HDAC7: variants seen among roughly 807,000 people sequenced by gnomAD.
HDAC7 encodes the protein histone deacetylase 7.
HDAC7 carries 26 observed loss-of-function variants against 115.5 expected under a neutral mutation model. That is an observed-to-expected ratio of 0.23 (90% CI 0.16 to 0.31). The LOEUF (loss-of-function observed/expected upper bound fraction) is 0.31, where lower values mean the gene tolerates loss of function less well. HDAC7 is among the 10% of genes least tolerant of loss of function. HDAC7 has a pLI of 1.00. For missense variants in HDAC7, 1,068 were observed against 1,329.0 expected (o/e 0.80, Z 3.05); for synonymous variants, 564 against 550.9 (o/e 1.02, Z -0.33).
Position 47,797,344 on chromosome 12 carries a change from C to A in HDAC7, c.577+40G>T, listed in dbSNP as rs201120443. ...TCCCCCATGTCCGAGGCCCTTCCCC[C>A]TTCCTTTGCCTGAAAGGTCCGCCTG... On this transcript the variant is annotated intron_variant, in intron 6 of 25. Transcript: ENST00000080059. The surrounding 1 kb of genome is among the most constrained non-coding windows in gnomAD (Gnocchi z 5.5). 2.5e-5 allele frequency: 40 copies of A among 1,585,904 alleles called. No individual in the cohort carries two copies. The South Asian group carries it at 4.2e-4, about 17-fold the overall frequency.
At chr12:47,789,954 A>G (rs1022455169) in intron 16 of HDAC7, 34 bp from the exon 17 acceptor site, 4 of 1,499,326 alleles carry the variant, frequency 2.7e-6, no homozygotes, top group Non-Finnish European at 3.7e-6. Flanking sequence ...CGCATCATCC[A>G]AGGCTTCACA....
intron 16 of HDAC7, 175 bp from the exon 17 acceptor site, chr12:47,790,095 C>G: frequency 1.7e-6 from 1 of 602,518 alleles, no homozygotes. Context: ...CCCCCAATCC[C>G]AGCATGACTT....
intron 24 of HDAC7, chr12:47,785,016 C>T: frequency 1.7e-6 from 1 of 578,718 alleles, no homozygotes; most frequent in Non-Finnish European, 3.1e-6. Flanking sequence ...CCCAAGCCAG[C>T]AGAGCTCCTG....
At chr12:47,821,018 G>A (rs1945005546), upstream of HDAC7, among the ~76,000 whole-genome samples, 2 of 152,206 alleles carry the variant, frequency 1.3e-5, no homozygotes, top group Admixed American at 1.3e-4. Context: ...CAGCAATCTG[G>A]AGCTGCTCCT....
chr12:47,786,957 G>T (rs1677201876), intron 21 of HDAC7, among the ~76,000 whole-genome samples: 1 of 152,234 alleles, frequency 6.6e-6, no homozygotes, highest in African/African-American at 2.4e-5. Flanking sequence ...AGCACCAGAG[G>T]GAATGAAAGA....
Position 47,797,895 on chromosome 12 carries a change from T to TGTGTGTGTGTGTGTGTGAGA in HDAC7, c.461+212_461+213insTCTCACACACACACACACAC, listed in dbSNP as rs35753431. On this transcript the variant is annotated intron_variant, in intron 5 of 25. Transcript: ENST00000080059. This position sits in a 1 kb window ranked among gnomAD's most constrained non-coding sequence, Gnocchi z 5.5. ...GTGTGTGTGTGTGTGTGTGTGTGTG[T>TGTGTGTGTGTGTGTGTGAGA]GAGAAGGGCTCAGGTGGGGTGGGGA... Among the ~76,000 whole-genome samples, 110 of 143,454 alleles carry TGTGTGTGTGTGTGTGTGAGA rather than the reference T, an allele frequency of 7.7e-4. No homozygotes were observed. Among genetic ancestry groups the TGTGTGTGTGTGTGTGTGAGA allele is most frequent in the African/African-American group, 2.7e-3 (100 of 36,502 alleles). The allele number at this position is 143,454 out of a possible 152,430, so 94.1% of individuals were successfully genotyped here. A position where few individuals can be genotyped will look rare whatever the true frequency, so the allele number is the denominator to read the frequency against.
At chr12:47,792,457 C>G (rs1406346536) in intron 13 of HDAC7, 2 of 338,582 alleles carry the variant, frequency 5.9e-6, no homozygotes, top group East Asian at 1.5e-4. Context: ...ACCCCCAAAC[C>G]GGGAGCTAAG....
At chr12:47,794,129 A>G (rs143871495) in intron 12 of HDAC7, among the ~76,000 whole-genome samples, 160 of 152,330 alleles carry the variant, frequency 1.1e-3, no homozygotes, top group Middle Eastern at 0.01. Flanking sequence ...GGAAATCTGA[A>G]CAGGCATTCA....
In HDAC7 at chr12:47,785,779, G is replaced by A. The variant is rs1283151329; in HGVS notation, c.2679C>T (p.Ala893=). 2 of 1,608,570 alleles carry A rather than the reference G, an allele frequency of 1.2e-6. No homozygotes were observed. The highest frequency in any genetic ancestry group is 1.7e-6 in the Non-Finnish European group (2 of 1,177,730). Residue 893 remains alanine, a synonymous_variant, in exon 23 of 26, where the codon GCC becomes GCT. Coordinates refer to ENST00000080059, the MANE Select transcript of HDAC7 (RefSeq NM_015401.5). ...TGTTACCCAGAAGAGCAGCCACACA[G>A]GCCTCAGAGGCGTCACAGATGGCTG... ...DLTAICDASE[A]CVAALLGNRV... is the part of the protein sequence containing the mutation.
intron 15 of HDAC7, 59 bp from the exon 16 acceptor site, chr12:47,791,367 G>A (rs1943491711): frequency 3.4e-6 from 5 of 1,489,834 alleles, no homozygotes; most frequent in Non-Finnish European, 4.5e-6. Flanking sequence ...GGCCCAACAG[G>A]GAGCAGGGAG....
chr12:47,798,479 A>ACCTCACC lies in HDAC7; in HGVS notation c.349+76_349+82dup, dbSNP rs1943991574. 7.7e-7 allele frequency: 1 copy of ACCTCACC among 1,290,454 alleles called. No individual in the cohort carries two copies. The highest frequency in any genetic ancestry group is 1.5e-5 in the African/African-American group (1 of 67,484). The allele number at this position is 1,290,454 out of a possible 1,614,324, so 79.9% of individuals were successfully genotyped here. A position where few individuals can be genotyped will look rare whatever the true frequency, so the allele number is the denominator to read the frequency against. On this transcript the variant is annotated intron_variant, in intron 4 of 25. Transcript: ENST00000080059. The surrounding 1 kb of genome is among the most constrained non-coding windows in gnomAD (Gnocchi z 4.3). ...AGGCCCAGCTGGCTGCGGCCCTCCCACCTCACCCCTCACAAGCCACACAGG... is the reference window on the plus strand; with the variant it reads ...AGGCCCAGCTGGCTGCGGCCCTCCCACCTCACCCCTCACCCCTCACAAGCCACACAGG...
chr12:47,790,194 G>A, intron 16 of HDAC7: 1 of 461,440 alleles, frequency 2.2e-6, no homozygotes, highest in Admixed American at 3.4e-5. Context: ...AGGGGAGGGG[G>A]CATGGCGTTA....
Position 47,783,905 on chromosome 12 carries a change from G to T in HDAC7, c.2931-19C>A. ...CGAGGGCCTGTGGGGAGGGACAAGGGTGGGATGCTGGAGCACCAGGGCTGC... is the reference window on the plus strand; with the variant it reads ...CGAGGGCCTGTGGGGAGGGACAAGGTTGGGATGCTGGAGCACCAGGGCTGC... On this transcript the variant is annotated intron_variant, in intron 25 of 25. Coordinates refer to ENST00000080059, the MANE Select transcript of HDAC7 (RefSeq NM_015401.5). 2 of 1,613,148 alleles carry T rather than the reference G, an allele frequency of 1.2e-6. No individual in the cohort carries two copies. Among genetic ancestry groups the T allele is most frequent in the Non-Finnish European group, 1.7e-6 (2 of 1,179,688 alleles).
intron 1 of HDAC7, chr12:47,802,486 C>G: frequency 6.4e-7 from 1 of 1,551,112 alleles, no homozygotes; most frequent in Non-Finnish European, 8.7e-7. Flanking sequence ...TCCCAGCTCC[C>G]TCTTCCTCAA....
At chr12:47,792,549 C>T (rs1030445413) in intron 13 of HDAC7, 2 of 434,692 alleles carry the variant, frequency 4.6e-6, no homozygotes, top group Non-Finnish European at 9.4e-6. Context: ...CGTGGGAAGT[C>T]TTCAGAGGAG....
chr12:47,783,810 G>A lies in HDAC7; in HGVS notation c.*31C>T, dbSNP rs1292532928. ...GTTAGAAGAGAACCAGGTCCCAAGG[G>A]CATGGTGGGCGGGCAGATGGTTCCA... On this transcript the variant is annotated 3_prime_UTR_variant, in exon 26 of 26. Transcript: ENST00000080059. The A allele has an allele frequency of 6.2e-7, 1 of 1,604,602 alleles. No homozygotes were observed.
At chr12:47,807,470 G>T (rs931387564) in intron 1 of HDAC7, among the ~76,000 whole-genome samples, 1 of 152,072 alleles carries the variant, frequency 6.6e-6, no homozygotes, top group Admixed American at 6.5e-5. Context: ...CTTGTCTGAG[G>T]TCACAGACAA....
rs770986035 is a variant in HDAC7, at chr12:47,797,158, G to A, written c.578-16C>T. 9.5e-6 allele frequency: 15 copies of A among 1,576,826 alleles called. No homozygotes were observed. The South Asian group carries it at 1.8e-4, about 18-fold the overall frequency. On this transcript the variant is annotated splice_polypyrimidine_tract_variant and intron_variant, in intron 6 of 25. Transcript: ENST00000080059. The surrounding 1 kb of genome is among the most constrained non-coding windows in gnomAD (Gnocchi z 5.5). ...GGCTCAGAGACTGCAGGGAGCACCA[G>A]CGTCACTCAGGCCCCCACCACCCTT...
intron 1 of HDAC7, among the ~76,000 whole-genome samples, chr12:47,815,101 T>C (rs958557625): frequency 6.6e-5 from 10 of 152,192 alleles, no homozygotes; most frequent in South Asian, 4.1e-4. Context: ...AATGGATGAA[T>C]TGCTGAGTGA....
Sources: gnomAD v4.1 joint callset for allele counts (sites outside exome capture counted in the v4.1 genomes callset) on GRCh38, gnomAD v4.1.1 for gene constraint, Gnocchi (gnomAD v3.1) non-coding constraint, MANE v1.5 for transcripts, NCBI Gene and HGNC (gene_info 2026-07-23, HGNC 2026-07-21) for gene names.